The following KLHL13 variants were observed in gnomAD, a reference collection of about 807,000 sequenced individuals.
The protein encoded by KLHL13 is kelch-like protein 13.
A neutral mutation model predicts 37.1 loss-of-function variants in KLHL13; 10 were observed. The observed-to-expected ratio is 0.27, with a 90% CI of 0.17 to 0.46. The LOEUF (loss-of-function observed/expected upper bound fraction) is 0.46. KLHL13 is among the 20% of genes least tolerant of loss of function. The pLI is 1.00. For synonymous variants in KLHL13, 163 were observed against 181.2 expected, an observed-to-expected ratio of 0.90 and a Z score of 0.81; for missense variants, 360 against 509.3, an observed-to-expected ratio of 0.71 and a Z score of 2.82.
At chrX:118,016,720 T>A (rs2148000632) in intron 1 of KLHL13, among the ~76,000 whole-genome samples, 1 of 111,485 alleles carries the variant, frequency 9.0e-6, no homozygotes, top group South Asian at 3.8e-4. Context: ...GGCAAGAAGC[T>A]CTCCTGATCT....
chrX:118,071,119 G>T (rs971877211), intron 1 of KLHL13, among the ~76,000 whole-genome samples: 5 of 111,813 alleles, frequency 4.5e-5, no homozygotes, highest in African/African-American at 1.6e-4. Flanking sequence ...GTATTCCATG[G>T]TGTATATGTG....
chrX:117,974,819 C>T (rs2053577846), upstream of KLHL13, among the ~76,000 whole-genome samples: 1 of 110,851 alleles, frequency 9.0e-6, no homozygotes, highest in African/African-American at 3.3e-5. Flanking sequence ...ATTATGTCAG[C>T]CATCATTACC....
In KLHL13 at chrX:117,983,205, T is replaced by C. The variant is rs145494182; in HGVS notation, c.-55-37630A>G. 1.5e-3 allele frequency among the ~76,000 whole-genome samples: 168 copies of C among 111,668 alleles called. 2 individuals carry two copies. Among genetic ancestry groups the C allele is most frequent in the African/African-American group, 5.3e-3 (163 of 30,827 alleles). ...TCCCCCATCTGTAAAATAGGGAAAA[T>C]GCTGCTTTCCTTGCCCGTCTCACAG... On this transcript the variant is annotated intron_variant, in intron 1 of 6. Transcript: ENST00000371882.
intron 2 of KLHL13, among the ~76,000 whole-genome samples, chrX:117,943,546 A>T (rs1933158855): frequency 1.9e-5 from 2 of 106,933 alleles, no homozygotes; most frequent in African/African-American, 6.8e-5. Context: ...TTTTTCTTTG[A>T]TCTTGTCTTC....
exon 7 of KLHL13, chrX:117,898,716 T>A (rs1929886005): frequency 2.4e-6 from 1 of 425,504 alleles, no homozygotes; most frequent in South Asian, 5.5e-5. Flanking sequence ...TCCAGAATGG[T>A]TGTGTTACCA....
At chrX:117,992,751 C>G (rs1014006621) in intron 1 of KLHL13, among the ~76,000 whole-genome samples, 7 of 111,304 alleles carry the variant, frequency 6.3e-5, no homozygotes, top group African/African-American at 2.0e-4. Context: ...TTTGATTACC[C>G]CCAGCACTCC....
intron 1 of KLHL13, among the ~76,000 whole-genome samples, chrX:117,964,357 G>C (rs2053372523): frequency 8.9e-6 from 1 of 111,913 alleles, no homozygotes; most frequent in Non-Finnish European, 1.9e-5. Flanking sequence ...CAGTAAGCAA[G>C]AATTTATTTA....
chrX:118,104,087 T>C (rs749759139), intron 1 of KLHL13, among the ~76,000 whole-genome samples: 1 of 97,602 alleles, frequency 1.0e-5, no homozygotes, highest in South Asian at 4.8e-4. Flanking sequence ...CCAGGCATGG[T>C]GATGTGCGCC....
intron 1 of KLHL13, among the ~76,000 whole-genome samples, chrX:118,038,907 T>C (rs776626572): frequency 5.4e-5 from 6 of 111,164 alleles, no homozygotes; most frequent in Non-Finnish European, 7.6e-5. Flanking sequence ...TTCCTTCCAC[T>C]TGAGGACAGA....
chrX:117,997,033 T>C (rs982116623), intron 1 of KLHL13, among the ~76,000 whole-genome samples: 1 of 111,441 alleles, frequency 9.0e-6, no homozygotes, highest in African/African-American at 3.3e-5. Context: ...GGGCATCTCA[T>C]AGAATCCAAG....
intron 1 of KLHL13, among the ~76,000 whole-genome samples, chrX:118,088,411 T>A (rs1212207890): frequency 8.9e-6 from 1 of 111,874 alleles, no homozygotes; most frequent in Non-Finnish European, 1.9e-5. Context: ...ACTTCAAAAT[T>A]TTTCTCTCAT....
intron 1 of KLHL13, among the ~76,000 whole-genome samples, chrX:118,012,015 T>A (rs1030073262): frequency 8.9e-6 from 1 of 112,270 alleles, no homozygotes; most frequent in East Asian, 2.8e-4. Flanking sequence ...CCCAACTTAC[T>A]GTTAAATATC....
intron 1 of KLHL13, among the ~76,000 whole-genome samples, chrX:117,982,829 G>C (rs1333587344): frequency 9.0e-6 from 1 of 111,235 alleles, no homozygotes; most frequent in Non-Finnish European, 1.9e-5. Flanking sequence ...CTCAGTCCCT[G>C]GCCTGCCTTA....
chrX:117,921,667 C>T (rs1931710543), intron 2 of KLHL13, among the ~76,000 whole-genome samples: 1 of 112,149 alleles, frequency 8.9e-6, no homozygotes, highest in African/African-American at 3.2e-5. Context: ...TTTTGTTTCA[C>T]AGATTTAAAG....
chrX:118,005,274 T>C (rs979515705), intron 1 of KLHL13, among the ~76,000 whole-genome samples: 1 of 111,817 alleles, frequency 8.9e-6, no homozygotes, highest in Admixed American at 9.5e-5. Flanking sequence ...GGAAACTATC[T>C]TGCATGGAGG....
upstream of KLHL13, among the ~76,000 whole-genome samples, chrX:117,975,032 A>G (rs773906655): frequency 5.4e-4 from 60 of 111,825 alleles, 1 homozygote; most frequent in African/African-American, 1.9e-3. Flanking sequence ...AGTTTTTTTT[A>G]ACCTGCCATT....
intron 1 of KLHL13, among the ~76,000 whole-genome samples, chrX:118,017,960 A>C (rs770610350): frequency 9.0e-6 from 1 of 111,588 alleles, no homozygotes; most frequent in African/African-American, 3.2e-5. Context: ...AAATACCGCC[A>C]CAACAACAAA....
chrX:118,089,709 T>A (rs1405609555), intron 1 of KLHL13, among the ~76,000 whole-genome samples: 6 of 109,658 alleles, frequency 5.5e-5, no homozygotes, highest in African/African-American at 1.7e-4. Flanking sequence ...TACGATATAA[T>A]GCCTAAAATG....
rs186228128 is a variant in KLHL13, at chrX:117,986,755, C to T, written c.-55-41180G>A. On this transcript the variant is annotated intron_variant, in intron 1 of 6. Transcript: ENST00000371882. ...CAAATTCCATTTGCTTCTGTGATATCTTACATGGTAATTTGAGTCTATGGT... is the reference window on the plus strand; with the variant it reads ...CAAATTCCATTTGCTTCTGTGATATTTTACATGGTAATTTGAGTCTATGGT... 2.0e-3 allele frequency among the ~76,000 whole-genome samples: 220 copies of T among 112,122 alleles called. 1 individual carries two copies. Among genetic ancestry groups the T allele is most frequent in the African/African-American group, 6.8e-3 (209 of 30,889 alleles).
Sources: allele counts gnomAD v4.1 joint callset (sites outside exome capture counted in the v4.1 genomes callset), GRCh38; gene constraint gnomAD v4.1.1; transcripts MANE v1.5; gene names NCBI Gene and HGNC (gene_info 2026-07-23, HGNC 2026-07-21).